Variants in TRPM3 observed in about 807,000 individuals in gnomAD.
TRPM3 encodes the protein long transient receptor potential channel 3.
TRPM3 carries 77 observed loss-of-function variants against 181.2 expected under a neutral mutation model. The ratio of observed to expected loss-of-function variants is 0.42; its 90% CI spans 0.35 to 0.51. The LOEUF (loss-of-function observed/expected upper bound fraction) is 0.51. Ranked by LOEUF, TRPM3 falls within the 20% of genes least tolerant of loss-of-function variation. The pLI is 0.01. For missense variants in TRPM3, 1,759 were observed against 2,196.7 expected (o/e 0.80, Z 3.98); for synonymous variants, 745 against 796.4 (o/e 0.94, Z 1.09).
intron 1 of TRPM3, among the ~76,000 whole-genome samples, chr9:71,367,212 T>C (rs554924436): frequency 1.3e-5 from 2 of 152,302 alleles, no homozygotes; most frequent in South Asian, 4.1e-4. Flanking sequence ...AGAATGTATA[T>C]GAATGATCAA....
chr9:71,066,905 T>A (rs2062000310), intron 1 of TRPM3, among the ~76,000 whole-genome samples: 1 of 152,344 alleles, frequency 6.6e-6, no homozygotes, highest in South Asian at 2.1e-4. Flanking sequence ...TAACACCTTA[T>A]AAGCTACACA....
intron 1 of TRPM3, among the ~76,000 whole-genome samples, chr9:70,900,466 TA>T (rs2096368997): frequency 6.6e-6 from 1 of 151,846 alleles, no homozygotes; most frequent in Non-Finnish European, 1.5e-5. Flanking sequence ...CAGAAGAAAA[TA>T]AATAGACCAG....
chr9:70,539,137 A>G (rs750366602), intron 25 of TRPM3, among the ~76,000 whole-genome samples: 15 of 152,216 alleles, frequency 9.9e-5, no homozygotes, highest in Non-Finnish European at 2.2e-4. Context: ...GCTACAGAAT[A>G]TGCTTCACAG....
chr9:70,561,256 A>G (rs992776981), intron 22 of TRPM3, among the ~76,000 whole-genome samples: 3 of 152,218 alleles, frequency 2.0e-5, no homozygotes, highest in African/African-American at 7.2e-5. Context: ...ACAGTTCGCC[A>G]TGGAGGATTT....
intron 1 of TRPM3, among the ~76,000 whole-genome samples, chr9:71,419,179 T>C (rs1371830302): frequency 6.6e-6 from 1 of 151,936 alleles, no homozygotes; most frequent in East Asian, 1.9e-4. Flanking sequence ...AAATAATTTA[T>C]AGGACTAGTA....
intron 1 of TRPM3, among the ~76,000 whole-genome samples, chr9:71,299,830 C>A (rs1411783278): frequency 3.9e-5 from 6 of 151,952 alleles, no homozygotes; most frequent in Non-Finnish European, 8.8e-5. Flanking sequence ...TATTAAGGAT[C>A]AAACTCCAGA....
At chr9:71,143,752 G>A (rs959975114) in intron 1 of TRPM3, among the ~76,000 whole-genome samples, 7 of 152,156 alleles carry the variant, frequency 4.6e-5, no homozygotes, top group African/African-American at 7.2e-5. Flanking sequence ...TTAGGTCTTT[G>A]AGGAATTGCC....
intron 1 of TRPM3, among the ~76,000 whole-genome samples, chr9:70,945,287 T>G (rs72729798): frequency 0.015 from 2,343 of 152,318 alleles, 29 homozygotes; most frequent in South Asian, 0.034. Flanking sequence ...AAAATTATCT[T>G]TATATACTTT....
At chr9:71,242,403 C>T (rs1004457297) in intron 1 of TRPM3, among the ~76,000 whole-genome samples, 3 of 152,026 alleles carry the variant, frequency 2.0e-5, no homozygotes, top group South Asian at 2.1e-4. Context: ...CGGTCATGAC[C>T]GGATTAGATG....
intron 8 of TRPM3, among the ~76,000 whole-genome samples, chr9:70,741,188 G>GA (rs1310316645): frequency 3.3e-5 from 5 of 151,972 alleles, no homozygotes; most frequent in Non-Finnish European, 7.4e-5. Flanking sequence ...ATATACAAAT[G>GA]ACCACCAACA....
At chr9:71,163,951 T>C (rs575529276) in intron 1 of TRPM3, among the ~76,000 whole-genome samples, 97 of 152,248 alleles carry the variant, frequency 6.4e-4, no homozygotes, top group Middle Eastern at 3.4e-3. Flanking sequence ...TGGAAGTCAG[T>C]GGTCATTGTG....
chr9:70,574,090 G>GCACACACACA (rs111292543), intron 22 of TRPM3, among the ~76,000 whole-genome samples: 1 of 143,264 alleles, frequency 7.0e-6, no homozygotes, highest in African/African-American at 2.6e-5. Context: ...ACACACGCGC[G>GCACACACACA]CGCACACACA....
intron 1 of TRPM3, among the ~76,000 whole-genome samples, chr9:70,933,646 C>G (rs974557696): frequency 3.3e-5 from 5 of 151,100 alleles, no homozygotes; most frequent in Admixed American, 3.3e-4. Context: ...AGTTTTGTTA[C>G]AAAGGAAAAG....
chr9:71,036,575 T>C (rs531752415), intron 1 of TRPM3, among the ~76,000 whole-genome samples: 1 of 152,356 alleles, frequency 6.6e-6, no homozygotes, highest in East Asian at 1.9e-4. Flanking sequence ...CATTACCCAT[T>C]TGTTGGCACA....
intron 24 of TRPM3, among the ~76,000 whole-genome samples, chr9:70,550,629 G>A (rs1202795606): frequency 6.6e-6 from 1 of 152,188 alleles, no homozygotes; most frequent in African/African-American, 2.4e-5. Flanking sequence ...TGCTTTGCCA[G>A]TTCTTAAATG....
intron 1 of TRPM3, among the ~76,000 whole-genome samples, chr9:70,967,710 C>CTTT (rs768679521): frequency 1.3e-5 from 2 of 152,056 alleles, no homozygotes; most frequent in Non-Finnish European, 2.9e-5. Flanking sequence ...TCAACAATTT[C>CTTT]TTTTTAGCCT....
chr9:70,816,220 T>C (rs556015197), intron 6 of TRPM3, among the ~76,000 whole-genome samples: 16 of 152,234 alleles, frequency 1.1e-4, no homozygotes, highest in Non-Finnish European at 2.2e-4. Context: ...CTTTTCATAA[T>C]TGCCATCAGC....
At chr9:70,689,483 C>G (rs1392341256) in intron 8 of TRPM3, among the ~76,000 whole-genome samples, 2 of 149,872 alleles carry the variant, frequency 1.3e-5, no homozygotes, top group Admixed American at 1.3e-4. Flanking sequence ...GCTGTAGGTC[C>G]CAAAGCAACA....
chr9:71,434,330 T>C (rs2094000931), intron 1 of TRPM3, among the ~76,000 whole-genome samples: 1 of 151,984 alleles, frequency 6.6e-6, no homozygotes, highest in East Asian at 1.9e-4. Context: ...ATTGGTGCCC[T>C]TATAAAAAAG....
Sources: gnomAD v4.1 joint callset for allele counts (sites outside exome capture counted in the v4.1 genomes callset) on GRCh38, gnomAD v4.1.1 for gene constraint, MANE v1.5 for transcripts, NCBI Gene and HGNC (gene_info 2026-07-23, HGNC 2026-07-21) for gene names.